The following TMEM63A variants were observed in gnomAD, a reference collection of about 807,000 sequenced individuals.
TMEM63A encodes the protein mechanosensitive cation channel TMEM63A.
In TMEM63A, 76 loss-of-function variants were observed where a neutral mutation model predicts 100.6. The ratio of observed to expected loss-of-function variants is 0.76; its 90% CI spans 0.63 to 0.91. The LOEUF is 0.91. Among genes scored for constraint, TMEM63A ranks in the 40% least tolerant of loss-of-function variants. The pLI is 0.00. For missense variants in TMEM63A, 876 were observed against 1,008.8 expected (o/e 0.87, Z 1.78); for synonymous variants, 401 against 401.1 (o/e 1.00, Z 0.00).
intron 15 of TMEM63A, among the ~76,000 whole-genome samples, chr1:225,857,393 G>A (rs866916618): frequency 2.8e-5 from 4 of 140,452 alleles, no homozygotes; most frequent in Non-Finnish European, 6.2e-5. Flanking sequence ...GCGGGGGGGG[G>A]GGGGTGCCCT....
chr1:225,844,452 A>G (rs1340139139), downstream of TMEM63A: 1 of 1,592,478 alleles, frequency 6.3e-7, no homozygotes, highest in South Asian at 1.1e-5. Flanking sequence ...TTGTCACACA[A>G]CTGCATGTGG....
chr1:225,861,298 G>C (rs1160173185), intron 13 of TMEM63A: 11 of 226,152 alleles, frequency 4.9e-5, no homozygotes, highest in Non-Finnish European at 8.6e-5. Context: ...TGCCTGTTAA[G>C]CTGGAGCTCT....
chr1:225,850,014 C>G lies in TMEM63A; in HGVS notation c.1969G>C (p.Ala657Pro). Residue 657 changes from alanine (A) to proline (P), a missense_variant, in exon 21 of 25, where the codon GCC (alanine) becomes CCC (proline). This residue lies in a region of TMEM63A where 339 missense variants were observed against 342.3 expected (regional missense o/e 0.99). Transcript: ENST00000366835. ...RHNLYFVYLP[A>P]KLEKGIHFAA... ...AAGTGGATCCCCTTCTCCAGCTTGG[C>G]TGGGAGGTAGACGAAGTAGAGGTTG... The G allele has an allele frequency of 6.2e-7, 1 of 1,614,230 alleles. No individual in the cohort carries two copies. The highest frequency in any genetic ancestry group is 8.5e-7 in the Non-Finnish European group (1 of 1,180,038).
rs1208482378 is a variant in TMEM63A at position 225,865,836 on chromosome 1, G to GT, written c.746+60dup. On this transcript the variant is annotated intron_variant, in intron 10 of 24. Coordinates refer to ENST00000366835, the MANE Select transcript of TMEM63A (RefSeq NM_014698.3). This position sits in a 1 kb window ranked among gnomAD's most constrained non-coding sequence, Gnocchi z 4.6. Reference sequence around the variant, plus strand: ...CTCACCTAAGGTGCTCGCCCTGCGGGTGGGGCTGTGTTGGTCCTACGTGGA... The same window carrying GT: ...CTCACCTAAGGTGCTCGCCCTGCGGGTTGGGGCTGTGTTGGTCCTACGTGGA... The GT allele has an allele frequency of 6.4e-7, 1 of 1,572,588 alleles. No homozygotes were observed. The highest frequency in any genetic ancestry group is 8.7e-7 in the Non-Finnish European group (1 of 1,147,344).
rs748038850 is a variant in TMEM63A, at chr1:225,855,949, C to G, written c.1572-9G>C. ...GGAAGAAAAAATCTAGACTGAAAAA[C>G]AAAGGAACCCCCTAAGAGTTTATTT... is the stretch of plus-strand genomic sequence containing the variant. On this transcript the variant is annotated splice_polypyrimidine_tract_variant and intron_variant, in intron 17 of 24. Coordinates refer to ENST00000366835, the MANE Select transcript of TMEM63A (RefSeq NM_014698.3). 1.2e-6 allele frequency: 2 copies of G among 1,613,770 alleles called. No homozygotes were observed. The highest frequency in any genetic ancestry group is 1.7e-6 in the Non-Finnish European group (2 of 1,179,798).
intron 20 of TMEM63A, among the ~76,000 whole-genome samples, chr1:225,851,215 C>T (rs192699402): frequency 4.3e-4 from 65 of 152,276 alleles, no homozygotes; most frequent in African/African-American, 1.5e-3. Context: ...TGCTCCCACA[C>T]CCCTGGCCTT....
Position 225,867,850 on chromosome 1 carries a change from C to A in TMEM63A, c.514+38G>T. ...CCTTTCCCTAGGACTGCCACTCTGC[C>A]CCATTACAACATAGACAAGGGTGAG... On this transcript the variant is annotated intron_variant, in intron 7 of 24. Coordinates refer to ENST00000366835, the MANE Select transcript of TMEM63A (RefSeq NM_014698.3). This position sits in a 1 kb window ranked among gnomAD's most constrained non-coding sequence, Gnocchi z 4.6. 1 of 1,613,004 alleles carries A rather than the reference C, an allele frequency of 6.2e-7. No homozygotes were observed. The highest frequency in any genetic ancestry group is 1.1e-5 in the South Asian group (1 of 90,974).
intron 20 of TMEM63A, among the ~76,000 whole-genome samples, chr1:225,850,906 T>C (rs1669294846): frequency 6.6e-6 from 1 of 152,012 alleles, no homozygotes; most frequent in African/African-American, 2.4e-5. Context: ...AGAGATAGGG[T>C]TTCACCATGT....
rs1171604200 is a variant in TMEM63A at position 225,872,034 on chromosome 1, A to G, written c.286T>C (p.Leu96=). ...EADSESRFQR[L]SSTSSSGQQD... Reference sequence around the variant, plus strand: ...TGACCTGAGGAGGAAGTCGATGACAATCTCTGAAATCTGGACTCGCTAGAG... The same window carrying G: ...TGACCTGAGGAGGAAGTCGATGACAGTCTCTGAAATCTGGACTCGCTAGAG... The change falls in exon 5 of 25, where the codon TTG becomes CTG. Residue 96 remains leucine (L), a synonymous_variant. Coordinates refer to ENST00000366835, the MANE Select transcript of TMEM63A (RefSeq NM_014698.3). 3.7e-6 allele frequency: 6 copies of G among 1,613,164 alleles called. No individual in the cohort carries two copies. The highest frequency in any genetic ancestry group is 2.2e-5 in the South Asian group (2 of 91,024).
Position 225,877,624 on chromosome 1 carries a change from A to T in TMEM63A, c.-14-30T>A, listed in dbSNP as rs774799242. 8 of 1,573,160 alleles carry T rather than the reference A, an allele frequency of 5.1e-6. No homozygotes were observed. In the South Asian group the frequency reaches 8.1e-5, roughly 16 times the overall value. ...AGCACAGGACAACAGGACAAGGCAG[A>T]CGTTCAGGGCTCAAATTTCTTGCAG... On this transcript the variant is annotated intron_variant, in intron 2 of 24. Coordinates refer to ENST00000366835, the MANE Select transcript of TMEM63A (RefSeq NM_014698.3).
chr1:225,862,331 G>A lies in TMEM63A; in HGVS notation c.972C>T (p.Tyr324=). ...GCEWEDAISY[Y]TRMKDRLLER... ...CCAGCAGCCTGTCCTTCATCCGTGT[G>A]TAGTAAGAGATGGCGTCTTCCTGCC... The change falls in exon 13 of 25, where the codon TAC becomes TAT. Residue 324 remains tyrosine (Y), a synonymous_variant. Coordinates refer to ENST00000366835, the MANE Select transcript of TMEM63A (RefSeq NM_014698.3). This position sits in a 1 kb window ranked among gnomAD's most constrained non-coding sequence, Gnocchi z 5.1. The A allele has an allele frequency of 6.2e-7, 1 of 1,614,206 alleles. No individual in the cohort carries two copies. The highest frequency in any genetic ancestry group is 1.1e-5 in the South Asian group (1 of 91,088).
chr1:225,871,234 T>A (rs549648193), intron 5 of TMEM63A, 121 bp from the exon 6 acceptor site: 2 of 1,020,042 alleles, frequency 2.0e-6, no homozygotes, highest in African/African-American at 3.2e-5. Context: ...ACAGTGCTTT[T>A]ATCCCATATT....
chr1:225,863,247 A>G (rs574322835), intron 10 of TMEM63A, among the ~76,000 whole-genome samples: 1 of 152,182 alleles, frequency 6.6e-6, no homozygotes, highest in African/African-American at 2.4e-5. Context: ...GGGTCTCGCT[A>G]TGTTGCCCAG....
chr1:225,872,453 A>G (rs1398694262), intron 4 of TMEM63A, among the ~76,000 whole-genome samples: 1 of 152,234 alleles, frequency 6.6e-6, no homozygotes, highest in Non-Finnish European at 1.5e-5. Flanking sequence ...CAATTATTTT[A>G]TGAAACACTA....
rs57543496 is a variant in TMEM63A at position 225,858,948 on chromosome 1, A to ATGTGTGTG, written c.1377+240_1377+247dup. Reference sequence around the variant, plus strand: ...GCATGTGTGTGTATATATACATATAATGTGTGTGTGTGTGTGTGTGTGTGT... The same window carrying ATGTGTGTG: ...GCATGTGTGTGTATATATACATATAATGTGTGTGTGTGTGTGTGTGTGTGTGTGTGTGT... On this transcript the variant is annotated intron_variant, in intron 15 of 24. Coordinates refer to ENST00000366835, the MANE Select transcript of TMEM63A (RefSeq NM_014698.3). 1.4e-3 allele frequency among the ~76,000 whole-genome samples: 201 copies of ATGTGTGTG among 139,748 alleles called. 1 individual carries two copies. Among genetic ancestry groups the ATGTGTGTG allele is most frequent in the African/African-American group, 5.0e-3 (185 of 37,002 alleles). The allele number at this position is 139,748 out of a possible 152,430, so 91.7% of individuals were successfully genotyped here.
Position 225,874,279 on chromosome 1 carries a change from T to C in TMEM63A, c.266+9A>G. ...ACGCATGCTCACAGCCTAGGCGATATGTCTTTACCTGTCTGCTTCTGACAC... is the reference window on the plus strand; with the variant it reads ...ACGCATGCTCACAGCCTAGGCGATACGTCTTTACCTGTCTGCTTCTGACAC... On this transcript the variant is annotated intron_variant, in intron 4 of 24. Coordinates refer to ENST00000366835, the MANE Select transcript of TMEM63A (RefSeq NM_014698.3). 1.9e-6 allele frequency: 3 copies of C among 1,612,848 alleles called. No individual in the cohort carries two copies. Among genetic ancestry groups the C allele is most frequent in the African/African-American group, 1.3e-5 (1 of 74,948 alleles).
chr1:225,843,736 G>A (rs557558363), downstream of TMEM63A, among the ~76,000 whole-genome samples: 1 of 152,354 alleles, frequency 6.6e-6, no homozygotes, highest in South Asian at 2.1e-4. Context: ...AATGGTGGTC[G>A]TGGTCGTTTT....
rs1669176412 is a variant in TMEM63A at position 225,848,969 on chromosome 1, CA to C, written c.2114del (p.Leu705ArgfsTer22). On this transcript the variant is annotated frameshift_variant, in exon 22 of 25. Coordinates refer to ENST00000366835, the MANE Select transcript of TMEM63A (RefSeq NM_014698.3). LOFTEE classifies it high-confidence loss of function. ...GAGCCAGGCAGACCAGGATGGTGAG[CA>C]GCAGCACCAGGAAGGTGAACAGAGT... The part of the protein sequence containing the change: ...PATLFTFLVL[L>X]LTILVCLAHT... 1 of 1,604,532 alleles carries C rather than the reference CA, an allele frequency of 6.2e-7. No homozygotes were observed.
At chr1:225,870,983 G>T in intron 6 of TMEM63A, 93 bp downstream of exon 6, 1 of 1,318,848 alleles carries the variant, frequency 7.6e-7, no homozygotes. Context: ...ACCATCTTAA[G>T]ATCAAGCATC....
Sources: gnomAD v4.1 joint callset for allele counts (sites outside exome capture counted in the v4.1 genomes callset) on GRCh38, gnomAD v4.1.1 for gene constraint, gnomAD v4.1.1 regional missense constraint, Gnocchi (gnomAD v3.1) non-coding constraint, MANE v1.5 for transcripts, NCBI Gene and HGNC (gene_info 2026-07-23, HGNC 2026-07-21) for gene names.